DPY19L3: variants seen among roughly 807,000 people sequenced by gnomAD.
DPY19L3 encodes the protein dpy-19 like C-mannosyltransferase 3.
DPY19L3 carries 51 observed loss-of-function variants against 92.3 expected under a neutral mutation model. The observed-to-expected ratio is 0.55, with a 90% CI of 0.44 to 0.70. DPY19L3 has a LOEUF of 0.70. Ranked by LOEUF, DPY19L3 falls within the 30% of genes least tolerant of loss-of-function variation. The pLI is 0.00. For synonymous variants in DPY19L3, 309 were observed against 315.2 expected (o/e 0.98, Z 0.21); for missense variants, 706 against 855.9 (o/e 0.82, Z 2.18).
intron 15 of DPY19L3, chr19:32,468,424 T>C: frequency 9.6e-7 from 1 of 1,040,394 alleles, no homozygotes; most frequent in Non-Finnish European, 1.2e-6. Flanking sequence ...AAATAATGTT[T>C]TGCCAGGTAT....
rs779485629 is a variant in DPY19L3 at position 32,480,444 on chromosome 19, C to T, written c.1876C>T (p.Leu626Phe). ...AKRAPEEVHALLRSFGTDYVI... is the reference protein window; with the variant it reads ...AKRAPEEVHAFLRSFGTDYVI... ...GAGGGCACCAGAGGAAGTGCATGCC[C>T]TCCTAAGGTCCTTCGGCACTGACTA... Residue 626 changes from leucine to phenylalanine, a missense_variant, in exon 18 of 19, where the codon CTC becomes TTC. Transcript: ENST00000392250. 2.0e-5 allele frequency: 33 copies of T among 1,614,016 alleles called. No individual in the cohort carries two copies. The highest frequency in any genetic ancestry group is 2.8e-5 in the Non-Finnish European group (33 of 1,180,016).
At chr19:32,467,477 CA>C (rs1323350350) in intron 15 of DPY19L3, 2 of 987,326 alleles carry the variant, frequency 2.0e-6, no homozygotes, top group Non-Finnish European at 2.4e-6. Context: ...AAACTAGAAC[CA>C]GAAGTCCTGA....
At chr19:32,457,999 C>T (rs1292920038) in intron 10 of DPY19L3, 101 bp from the exon 11 acceptor site, 5 of 847,376 alleles carry the variant, frequency 5.9e-6, no homozygotes, top group South Asian at 1.7e-5. Flanking sequence ...CCCACACGCT[C>T]CTGTGAAATT....
chr19:32,431,475 C>G (rs1968966837), intron 3 of DPY19L3, among the ~76,000 whole-genome samples: 1 of 151,788 alleles, frequency 6.6e-6, no homozygotes, highest in South Asian at 2.1e-4. Flanking sequence ...GTAAAAGAAT[C>G]TCTAATAACA....
At chr19:32,419,143 C>T (rs1355766799) in intron 3 of DPY19L3, among the ~76,000 whole-genome samples, 1 of 150,356 alleles carries the variant, frequency 6.7e-6, no homozygotes, top group East Asian at 1.9e-4. Context: ...CATTTTAATA[C>T]ATATTGTATT....
At chr19:32,430,596 A>G (rs1202013491) in intron 3 of DPY19L3, among the ~76,000 whole-genome samples, 1 of 152,098 alleles carries the variant, frequency 6.6e-6, no homozygotes. Flanking sequence ...TGAAGATAAT[A>G]GCATGAATGG....
rs1969319705 is a variant in DPY19L3 at position 32,441,449 on chromosome 19, T to C, written c.855+1539T>C. Among the ~76,000 whole-genome samples the C allele has an allele frequency of 2.0e-5, 3 of 152,194 alleles. No homozygotes were observed. The South Asian group carries it at 6.2e-4, about 32-fold the overall frequency. ...CGATTGATGTTCTGCATATTCTTTT[T>C]GTTCTTTAGATCTTTTGATTTTTTC... is the stretch of plus-strand genomic sequence containing the variant. On this transcript the variant is annotated intron_variant, in intron 8 of 18. Coordinates refer to ENST00000392250, the MANE Select transcript of DPY19L3 (RefSeq NM_001172774.2).
chr19:32,451,711 G>T (rs558912565), intron 8 of DPY19L3, among the ~76,000 whole-genome samples: 1 of 152,064 alleles, frequency 6.6e-6, no homozygotes, highest in South Asian at 2.1e-4. Flanking sequence ...TCTTTGTGGC[G>T]TGTTTCGTGT....
intron 2 of DPY19L3, among the ~76,000 whole-genome samples, chr19:32,410,721 T>G (rs1466138625): frequency 3.3e-5 from 5 of 152,212 alleles, no homozygotes; most frequent in African/African-American, 1.2e-4. Context: ...AGGCAGAGGT[T>G]GCAGTGAACC....
rs1010139092 is a variant in DPY19L3 at position 32,482,200 on chromosome 19, A to G, written c.2111A>G (p.Asn704Ser). 4 of 1,613,696 alleles carry G rather than the reference A, an allele frequency of 2.5e-6. No homozygotes were observed. In the African/African-American group the frequency reaches 5.3e-5, roughly 22 times the overall value. ...GCCTACTTCACCAGAGTGTTCCAGA[A>G]CAAAACCTTCCACGTTTACAAGCTG... ...YVAYFTRVFQNKTFHVYKLSR... is the reference protein window; with the variant it reads ...YVAYFTRVFQSKTFHVYKLSR... The change falls in exon 19 of 19, where the codon AAC (asparagine) becomes AGC (serine). Residue 704 changes from asparagine (N) to serine (S), a missense_variant. Coordinates refer to ENST00000392250, the MANE Select transcript of DPY19L3 (RefSeq NM_001172774.2).
chr19:32,455,257 G>A (rs1969830921), intron 10 of DPY19L3, among the ~76,000 whole-genome samples: 1 of 152,054 alleles, frequency 6.6e-6, no homozygotes, highest in Non-Finnish European at 1.5e-5. Context: ...ACCACACCTG[G>A]CTTCTTTGAA....
intron 16 of DPY19L3, among the ~76,000 whole-genome samples, chr19:32,474,127 T>A (rs1022581308): frequency 6.6e-6 from 1 of 152,218 alleles, no homozygotes; most frequent in Non-Finnish European, 1.5e-5. Context: ...TAATTCATCT[T>A]ATAGGCATGA....
At chr19:32,415,418 A>C (rs1163653255) in intron 3 of DPY19L3, among the ~76,000 whole-genome samples, 1 of 152,204 alleles carries the variant, frequency 6.6e-6, no homozygotes, top group Non-Finnish European at 1.5e-5. Flanking sequence ...TGGTGTGTGA[A>C]GCGTTGGCAG....
At chr19:32,423,014 T>C (rs571320374) in intron 3 of DPY19L3, among the ~76,000 whole-genome samples, 14 of 152,182 alleles carry the variant, frequency 9.2e-5, no homozygotes, top group Non-Finnish European at 1.8e-4. Flanking sequence ...ATACAAACTT[T>C]TTTGTTCCTA....
chr19:32,440,445 G>A (rs1319721896), intron 8 of DPY19L3, among the ~76,000 whole-genome samples: 3 of 152,072 alleles, frequency 2.0e-5, no homozygotes, highest in African/African-American at 7.2e-5. Flanking sequence ...TTTATGTATT[G>A]CGTACAGTTT....
intron 3 of DPY19L3, among the ~76,000 whole-genome samples, chr19:32,429,140 C>A (rs1968875183): frequency 6.6e-6 from 1 of 152,242 alleles, no homozygotes; most frequent in Non-Finnish European, 1.5e-5. Flanking sequence ...AGCCACCACA[C>A]CCGGCCAGCT....
At chr19:32,411,091 G>A (rs913614610) in intron 2 of DPY19L3, 148 bp from the exon 3 acceptor site, 4 of 730,114 alleles carry the variant, frequency 5.5e-6, no homozygotes, top group East Asian at 2.7e-5. Flanking sequence ...CAGGTCTGTG[G>A]AATCAGAAAG....
chr19:32,473,481 CTG>C (rs1174568175), intron 16 of DPY19L3, among the ~76,000 whole-genome samples: 2 of 152,208 alleles, frequency 1.3e-5, no homozygotes, highest in African/African-American at 2.4e-5. Flanking sequence ...ATGTCCATCA[CTG>C]TGCATGTTTT....
chr19:32,419,122 C>T (rs559139752), intron 3 of DPY19L3, among the ~76,000 whole-genome samples: 9 of 149,164 alleles, frequency 6.0e-5, no homozygotes, highest in South Asian at 4.2e-4. Context: ...ATGCTTGGAA[C>T]TATTTGGGGG....
Sources: allele counts gnomAD v4.1 joint callset (sites outside exome capture counted in the v4.1 genomes callset), GRCh38; gene constraint gnomAD v4.1.1; transcripts MANE v1.5; gene names NCBI Gene and HGNC (gene_info 2026-07-23, HGNC 2026-07-21).